RHPN2: variants seen among roughly 807,000 people sequenced by gnomAD.
The protein encoded by RHPN2 is rhophilin Rho GTPase binding protein 2.
In RHPN2, 40 loss-of-function variants were observed where a neutral mutation model predicts 79.0. The ratio of observed to expected loss-of-function variants is 0.51; its 90% CI spans 0.39 to 0.66. The LOEUF (loss-of-function observed/expected upper bound fraction) is 0.66, where lower values mean the gene tolerates loss of function less well. RHPN2 is among the 30% of genes least tolerant of loss of function. RHPN2 has a pLI of 0.00. For synonymous variants in RHPN2, 285 were observed against 363.5 expected (o/e 0.78, Z 2.46); for missense variants, 686 against 883.5 (o/e 0.78, Z 2.83).
intron 2 of RHPN2, 87 bp downstream of exon 2, chr19:33,044,162 C>G: frequency 9.5e-7 from 1 of 1,056,868 alleles, no homozygotes; most frequent in Non-Finnish European, 1.5e-6. Flanking sequence ...GGAGGAAACC[C>G]AAAGCTGAAA....
chr19:33,012,496 T>C, intron 5 of RHPN2, 151 bp downstream of exon 5: 2 of 710,330 alleles, frequency 2.8e-6, no homozygotes, highest in Admixed American at 4.1e-5. Context: ...ACAGTTTTCT[T>C]ATGCAGCAAG....
chr19:33,029,249 G>A lies in RHPN2; in HGVS notation c.186-2617C>T, dbSNP rs142515558. On this transcript the variant is annotated intron_variant, in intron 2 of 14. Coordinates refer to ENST00000254260, the MANE Select transcript of RHPN2 (RefSeq NM_033103.5). ...CAGAATAAAAGTCCAGGAATAGGCC[G>A]GGTGTGGTAGCTCACGCCTGTAATC... Among the ~76,000 whole-genome samples, 377 of 152,124 alleles carry A rather than the reference G, an allele frequency of 2.5e-3. 1 individual carries two copies. The highest frequency in any genetic ancestry group is 8.6e-3 in the African/African-American group (357 of 41,530).
chr19:33,044,136 C>T (rs2145262988), intron 2 of RHPN2, 113 bp downstream of exon 2: 1 of 825,768 alleles, frequency 1.2e-6, no homozygotes, highest in Non-Finnish European at 2.1e-6. Flanking sequence ...GGGACGACTC[C>T]AGATGCCAGA....
intron 2 of RHPN2, among the ~76,000 whole-genome samples, chr19:33,031,420 C>T (rs952838720): frequency 3.3e-5 from 5 of 152,026 alleles, no homozygotes; most frequent in Middle Eastern, 3.4e-3. Context: ...CCACCACACC[C>T]GGCTAATTTT....
rs1971836885 is a variant in RHPN2 at position 33,011,712 on chromosome 19, G to T, written c.560C>A (p.Pro187Gln). The T allele has an allele frequency of 1.2e-6, 2 of 1,613,910 alleles. No homozygotes were observed. Among genetic ancestry groups the T allele is most frequent in the Non-Finnish European group, 1.7e-6 (2 of 1,179,846 alleles). Residue 187 changes from proline to glutamine, a missense_variant, in exon 6 of 15, where the codon CCG becomes CAG. Transcript: ENST00000254260. ...CAGGAGTCCCATCTGCCGTGTGGGC[G>T]GGAAGAATCGACTCTCGACAAAGCC... ...QLGFVESRFF[P>Q]PTRQMGLLFT...
Position 33,043,138 on chromosome 19 carries a change from A to T in RHPN2, c.185+1111T>A, listed in dbSNP as rs1599831850. Among the ~76,000 whole-genome samples, 7 of 151,550 alleles carry T rather than the reference A, an allele frequency of 4.6e-5. 1 individual carries two copies. In the East Asian group the frequency reaches 9.8e-4, roughly 21 times the overall value. ...ATGCCTGTGGTCCCAGCTACTCAGT[A>T]GGCTGTTAGGAGGATTGCTTGAAGA... On this transcript the variant is annotated intron_variant, in intron 2 of 14. Coordinates refer to ENST00000254260, the MANE Select transcript of RHPN2 (RefSeq NM_033103.5).
chr19:32,991,397 T>G (rs558240180), intron 13 of RHPN2: 14 of 243,954 alleles, frequency 5.7e-5, no homozygotes, highest in Non-Finnish European at 1.1e-4. Context: ...AGGTGGAGGT[T>G]GCAGTGAACC....
chr19:33,023,124 ACAGTCTACTTTGAAAACACAGTAGTG>A (rs1233934398), intron 3 of RHPN2, among the ~76,000 whole-genome samples: 1 of 152,140 alleles, frequency 6.6e-6, no homozygotes. Flanking sequence ...TAAGAAAGAA[ACAGTCTACTTTGAAAACACAGTAGTG>A]CAGGCCAGGT....
rs138376129 is a variant in RHPN2, at chr19:33,044,939, A to G, written c.70-575T>C. Among the ~76,000 whole-genome samples, 381 of 152,268 alleles carry G rather than the reference A, an allele frequency of 2.5e-3. 4 individuals are homozygous for G. Among genetic ancestry groups the G allele is most frequent in the African/African-American group, 8.6e-3 (357 of 41,556 alleles). On this transcript the variant is annotated intron_variant, in intron 1 of 14. Transcript: ENST00000254260. ...AAAGACATATCTCTAGGGCAGAGTT[A>G]TAAGATCAAACCTTTCAGGGCTACC...
At position 33,005,608 on chromosome 19, in the gene RHPN2, A is replaced by C. The variant is rs1334176083; in HGVS notation, c.760+2406T>G. The stretch of plus-strand genomic sequence containing the variant: ...GGTTCCTCTGGTTTTGTTGCTGAGC[A>C]AAAAAAAAAAAAAAAAAGCCCTGCC... On this transcript the variant is annotated intron_variant, in intron 7 of 14. Transcript: ENST00000254260. 5.6e-5 allele frequency among the ~76,000 whole-genome samples: 4 copies of C among 71,862 alleles called. No homozygotes were observed. The East Asian group carries it at 9.8e-4, about 18-fold the overall frequency. 47.1% of individuals were successfully genotyped at this position (71,862 alleles called of 152,430 possible). A position where few individuals can be genotyped will look rare whatever the true frequency, so the allele number is the denominator to read the frequency against.
chr19:32,996,278 G>A lies in RHPN2; in HGVS notation c.1226-58C>T. The A allele has an allele frequency of 4.4e-6, 7 of 1,574,454 alleles. 1 individual carries two copies. In the South Asian group the frequency reaches 7.8e-5, roughly 18 times the overall value. Reference sequence around the variant, plus strand: ...CAGATCCACCAAGCAGAGCATAAAGGCCCAAGGGGCAGCCCAAGAGGTTGG... The same window carrying A: ...CAGATCCACCAAGCAGAGCATAAAGACCCAAGGGGCAGCCCAAGAGGTTGG... On this transcript the variant is annotated intron_variant, in intron 10 of 14. Coordinates refer to ENST00000254260, the MANE Select transcript of RHPN2 (RefSeq NM_033103.5).
chr19:32,979,157 AAAGG>A lies in RHPN2; in HGVS notation c.*835_*838del, dbSNP rs1465972373. The stretch of plus-strand genomic sequence containing the variant: ...CAGCAAGACGCTATCTCAAACAAAA[AAAGG>A]AAGTCAAATAGAGCTTTAAACCTGA... On this transcript the variant is annotated 3_prime_UTR_variant, in exon 15 of 15. Transcript: ENST00000254260. 6.6e-6 allele frequency: 1 copy of A among 152,244 alleles called. No homozygotes were observed. Among genetic ancestry groups the A allele is most frequent in the Admixed American group, 6.5e-5 (1 of 15,272 alleles). 9.4% of individuals were successfully genotyped at this position (152,244 alleles called of 1,614,324 possible).
chr19:33,055,785 G>C (rs1431809157), intron 1 of RHPN2, among the ~76,000 whole-genome samples: 2 of 151,418 alleles, frequency 1.3e-5, no homozygotes, highest in Non-Finnish European at 2.9e-5. Flanking sequence ...TTCTCTGCCG[G>C]AGCCTCCAGG....
intron 2 of RHPN2, among the ~76,000 whole-genome samples, chr19:33,039,804 C>T (rs1407387135): frequency 2.0e-5 from 3 of 150,250 alleles, no homozygotes; most frequent in Non-Finnish European, 4.4e-5. Flanking sequence ...CGCCACTGCA[C>T]TCCAGCCTGG....
intron 6 of RHPN2, among the ~76,000 whole-genome samples, 170 bp downstream of exon 6, chr19:33,011,505 CATAA>C (rs1221127753): frequency 1.3e-5 from 2 of 152,176 alleles, no homozygotes; most frequent in Admixed American, 6.6e-5. Flanking sequence ...GGATCACCTT[CATAA>C]ATAAATACCA....
chr19:33,044,235 CAGA>C lies in RHPN2; in HGVS notation c.185+11_185+13del. On this transcript the variant is annotated intron_variant, in intron 2 of 14. Coordinates refer to ENST00000254260, the MANE Select transcript of RHPN2 (RefSeq NM_033103.5). ...TAGGACTCAGGAGAGGCAGGGAAGC[CAGA>C]AGACACCTACTTCAGAAGGTTTTCC... is the stretch of plus-strand genomic sequence containing the variant. 1 of 1,597,604 alleles carries C rather than the reference CAGA, an allele frequency of 6.3e-7. No homozygotes were observed. Among genetic ancestry groups the C allele is most frequent in the Non-Finnish European group, 8.6e-7 (1 of 1,165,566 alleles).
intron 3 of RHPN2, among the ~76,000 whole-genome samples, chr19:33,024,218 G>A (rs530858672): frequency 3.7e-4 from 57 of 152,182 alleles, no homozygotes; most frequent in African/African-American, 1.3e-3. Context: ...TGGATCACGA[G>A]GTCAGGAGTT....
At chr19:32,994,891 G>T (rs1467882643) in intron 11 of RHPN2, among the ~76,000 whole-genome samples, 1 of 152,004 alleles carries the variant, frequency 6.6e-6, no homozygotes, top group Non-Finnish European at 1.5e-5. Context: ...GGCAGAGGTT[G>T]CAGTGAGCTG....
intron 1 of RHPN2, 78 bp from the exon 2 acceptor site, chr19:33,044,442 G>A (rs969762341): frequency 5.5e-6 from 5 of 909,384 alleles, no homozygotes; most frequent in Non-Finnish European, 7.3e-6. Context: ...AATGGAAAAT[G>A]TTTAACTTTA....
Sources: gnomAD v4.1 joint callset for allele counts (sites outside exome capture counted in the v4.1 genomes callset) on GRCh38, gnomAD v4.1.1 for gene constraint, MANE v1.5 for transcripts, NCBI Gene and HGNC (gene_info 2026-07-23, HGNC 2026-07-21) for gene names.